RSRC1: variants seen among roughly 807,000 people sequenced by gnomAD.
RSRC1 encodes the protein serine/Arginine-related protein 53.
A neutral mutation model predicts 49.1 loss-of-function variants in RSRC1; 39 were observed. The observed-to-expected ratio is 0.79, with a 90% CI of 0.61 to 1.04. The LOEUF (loss-of-function observed/expected upper bound fraction) is 1.04. Ranked by LOEUF, RSRC1 falls within the 50% of genes least tolerant of loss-of-function variation. RSRC1 has a pLI of 0.00. For missense variants in RSRC1, 388 were observed against 402.4 expected, an observed-to-expected ratio of 0.96 and a Z score of 0.31; for synonymous variants, 143 against 130.8, an observed-to-expected ratio of 1.09 and a Z score of -0.63.
intron 6 of RSRC1, among the ~76,000 whole-genome samples, chr3:158,421,498 T>C (rs1206831687): frequency 6.6e-6 from 1 of 151,850 alleles, no homozygotes; most frequent in East Asian, 1.9e-4. Flanking sequence ...TGAAAGATTC[T>C]GATGGACTAG....
At chr3:158,339,866 A>G (rs76672813) in intron 5 of RSRC1, among the ~76,000 whole-genome samples, 1 of 152,342 alleles carries the variant, frequency 6.6e-6, no homozygotes, top group East Asian at 1.9e-4. Flanking sequence ...CCAGGGCATT[A>G]CAGGAAGACA....
At chr3:158,138,300 AG>A (rs1254412234) in intron 3 of RSRC1, among the ~76,000 whole-genome samples, 1 of 152,248 alleles carries the variant, frequency 6.6e-6, no homozygotes, top group Non-Finnish European at 1.5e-5. Flanking sequence ...ATAGATAACC[AG>A]ACAGTGACTG....
intron 4 of RSRC1, among the ~76,000 whole-genome samples, chr3:158,218,023 C>A (rs567157346): frequency 6.6e-6 from 1 of 151,360 alleles, no homozygotes. Context: ...GACACTGATA[C>A]GAACAGGGAC....
At chr3:158,233,316 A>G (rs891667386) in intron 4 of RSRC1, among the ~76,000 whole-genome samples, 2 of 152,130 alleles carry the variant, frequency 1.3e-5, no homozygotes, top group African/African-American at 4.8e-5. Context: ...CTTAGTAGGA[A>G]GCTATCAGTT....
intron 1 of RSRC1, among the ~76,000 whole-genome samples, chr3:158,113,363 T>G (rs1205841413): frequency 8.4e-6 from 1 of 118,664 alleles, no homozygotes; most frequent in Admixed American, 9.8e-5. Flanking sequence ...GCATCTGTTG[T>G]TTTTTGACTT....
intron 6 of RSRC1, among the ~76,000 whole-genome samples, chr3:158,438,486 A>G (rs1736175459): frequency 6.6e-6 from 1 of 152,160 alleles, no homozygotes; most frequent in African/African-American, 2.4e-5. Flanking sequence ...GACCAATAGA[A>G]CAGAACAGAG....
intron 6 of RSRC1, among the ~76,000 whole-genome samples, chr3:158,423,001 A>G (rs377685193): frequency 1.3e-5 from 2 of 152,002 alleles, no homozygotes; most frequent in African/African-American, 2.4e-5. Flanking sequence ...AGTAGGTTGC[A>G]AAAATTTTCT....
rs73030504 is a variant in RSRC1, at chr3:158,454,204, T to C, written c.584-6731T>C. Among the ~76,000 whole-genome samples, 1,509 of 152,266 alleles carry C rather than the reference T, an allele frequency of 9.9e-3. 35 individuals are homozygous for C. The highest frequency in any genetic ancestry group is 0.035 in the African/African-American group (1,434 of 41,528). ...TTTCTTTTAATTAAGAACTTCTCTTTGATAGATGTTAGAACATATAGATCT... is the reference window on the plus strand; with the variant it reads ...TTTCTTTTAATTAAGAACTTCTCTTCGATAGATGTTAGAACATATAGATCT... On this transcript the variant is annotated intron_variant, in intron 6 of 9. Transcript: ENST00000611884.
intron 3 of RSRC1, among the ~76,000 whole-genome samples, chr3:158,130,152 T>C (rs1715920817): frequency 6.6e-6 from 1 of 152,144 alleles, no homozygotes; most frequent in African/African-American, 2.4e-5. Context: ...TGTCCCATGT[T>C]ACATTTTGGA....
chr3:158,502,530 C>A (rs1221501413), intron 7 of RSRC1, among the ~76,000 whole-genome samples: 1 of 152,108 alleles, frequency 6.6e-6, no homozygotes, highest in African/African-American at 2.4e-5. Context: ...TTAAAATAAT[C>A]CTAGACTTCT....
intron 4 of RSRC1, among the ~76,000 whole-genome samples, chr3:158,246,505 T>A (rs1723909385): frequency 6.6e-6 from 1 of 152,144 alleles, no homozygotes; most frequent in Admixed American, 6.5e-5. Flanking sequence ...GTGTTTTTGT[T>A]GTTGCTGGTA....
intron 5 of RSRC1, 116 bp downstream of exon 5, chr3:158,298,191 G>C: frequency 1.3e-6 from 1 of 782,204 alleles, no homozygotes; most frequent in Admixed American, 2.1e-5. Flanking sequence ...ATTTCCCAAA[G>C]GGTCAGCTTA....
chr3:158,478,321 A>T (rs547280496), intron 7 of RSRC1, among the ~76,000 whole-genome samples: 6 of 151,736 alleles, frequency 4.0e-5, no homozygotes, highest in Non-Finnish European at 7.4e-5. Context: ...TGAGATGATC[A>T]TGTGGGTTTT....
intron 3 of RSRC1, among the ~76,000 whole-genome samples, chr3:158,129,848 T>C (rs1715897235): frequency 6.6e-6 from 1 of 152,226 alleles, no homozygotes. Context: ...GATTGGATGT[T>C]TATTGAATCA....
chr3:158,284,024 A>G (rs1726345693), intron 4 of RSRC1, among the ~76,000 whole-genome samples: 1 of 151,246 alleles, frequency 6.6e-6, no homozygotes, highest in African/African-American at 2.4e-5. Context: ...TATATCTCCT[A>G]ATGCTATCCC....
At chr3:158,112,440 A>G (rs537347439) in intron 1 of RSRC1, among the ~76,000 whole-genome samples, 2 of 152,250 alleles carry the variant, frequency 1.3e-5, no homozygotes, top group East Asian at 1.9e-4. Context: ...AGAGAAGACA[A>G]TTTTGGGATC....
chr3:158,391,680 G>A lies in RSRC1; in HGVS notation c.583+36772G>A, dbSNP rs2108294859. Among the ~76,000 whole-genome samples the A allele has an allele frequency of 2.6e-5, 4 of 152,150 alleles. No homozygotes were observed. In the South Asian group the frequency reaches 8.3e-4, roughly 32 times the overall value. On this transcript the variant is annotated intron_variant, in intron 6 of 9. Transcript: ENST00000611884. ...GTTTATCTCAGGGACTGGGAGGGTG[G>A]TAGATGTCAGGGAATGGAATCTGCA...
At chr3:158,225,615 C>A in intron 4 of RSRC1, 1 of 423,002 alleles carries the variant, frequency 2.4e-6, no homozygotes, top group Non-Finnish European at 4.6e-6. Context: ...AAAGTAGAAG[C>A]ATCATAGGTA....
intron 5 of RSRC1, among the ~76,000 whole-genome samples, chr3:158,326,133 A>C (rs1729119596): frequency 6.6e-6 from 1 of 152,168 alleles, no homozygotes; most frequent in Non-Finnish European, 1.5e-5. Context: ...TTTTGGGCTG[A>C]GACGATGGGG....
Sources: gnomAD v4.1 joint callset for allele counts (sites outside exome capture counted in the v4.1 genomes callset) on GRCh38, gnomAD v4.1.1 for gene constraint, MANE v1.5 for transcripts, NCBI Gene and HGNC (gene_info 2026-07-23, HGNC 2026-07-21) for gene names.